The following TLCD2 variants were observed in gnomAD, a reference collection of about 807,000 sequenced individuals.
TLCD2 encodes TLC domain-containing protein 2.
Under a neutral mutation model 14.0 loss-of-function variants are expected in TLCD2, and 12 were observed. The ratio of observed to expected loss-of-function variants is 0.86; its 90% CI spans 0.55 to 1.39. TLCD2 has a LOEUF of 1.39. Among genes scored for constraint, TLCD2 ranks in the 40% most tolerant of loss-of-function variants. TLCD2 has a pLI of 0.00. For synonymous variants in TLCD2, 166 were observed against 156.5 expected, an observed-to-expected ratio of 1.06 and a Z score of -0.45; for missense variants, 360 against 346.8, an observed-to-expected ratio of 1.04 and a Z score of -0.30.
At position 1,707,828 on chromosome 17, in the gene TLCD2, G is replaced by C; in HGVS notation, c.737C>G (p.Thr246Arg). 1 of 1,533,170 alleles carries C rather than the reference G, an allele frequency of 6.5e-7. No homozygotes were observed. The highest frequency in any genetic ancestry group is 8.7e-7 in the Non-Finnish European group (1 of 1,144,628). 95.0% of individuals were successfully genotyped at this position (1,533,170 alleles called of 1,614,324 possible). ...PGHEKTRGTR[T>R]RRDNGPVTSN... is the part of the protein sequence containing the mutation. ...GGTGACAGGTCCATTGTCACGACGTGTCCTGGTCCCCCTGGTTTTCTCATG... is the reference window on the plus strand; with the variant it reads ...GGTGACAGGTCCATTGTCACGACGTCTCCTGGTCCCCCTGGTTTTCTCATG... The change falls in exon 4 of 4, where the codon ACA (threonine) becomes AGA (arginine). Residue 246 changes from threonine to arginine, a missense_variant. Transcript: ENST00000330676.
rs1413727782 is a variant in TLCD2 at position 1,708,163 on chromosome 17, C to G, written c.402G>C (p.Val134=). The G allele has an allele frequency of 2.0e-6, 3 of 1,536,486 alleles. No individual in the cohort carries two copies. The highest frequency in any genetic ancestry group is 2.6e-6 in the Non-Finnish European group (3 of 1,146,874). Residue 134 remains valine (V), a synonymous_variant, in exon 4 of 4, where the codon GTG becomes GTC. Coordinates refer to ENST00000330676, the MANE Select transcript of TLCD2 (RefSeq NM_001164407.2). ...LSGHYVGFSM[V]SLLLELNSAC... ...CAGAGTTCAGTTCCAGGAGCAGAGA[C>G]ACCATGGAGAAGCCCACGTAGTGGC...
chr17:1,708,063 C>A lies in TLCD2; in HGVS notation c.502G>T (p.Ala168Ser), dbSNP rs1434771328. Reference sequence around the variant, plus strand: ...AAGAGGGCCAAGGTGGCCAAGGAGGCCCAGCTGGTCACGCTGAAGGCCAGG... The same window carrying A: ...AAGAGGGCCAAGGTGGCCAAGGAGGACCAGCTGGTCACGCTGAAGGCCAGG... ...PSLAFSVTSW[A>S]SLATLALFRL... The change falls in exon 4 of 4, where the codon GCC becomes TCC. Residue 168 changes from alanine (A) to serine (S), a missense_variant. By Grantham distance (99) the Ala-to-Ser change is moderately conservative. Transcript: ENST00000330676. 1 of 1,537,106 alleles carries A rather than the reference C, an allele frequency of 6.5e-7. No individual in the cohort carries two copies. The highest frequency in any genetic ancestry group is 1.4e-5 in the African/African-American group (1 of 73,062).
At chr17:1,708,250 A>AC in intron 3 of TLCD2, 28 bp from the exon 4 acceptor site, 1 of 1,469,476 alleles carries the variant, frequency 6.8e-7, no homozygotes, top group South Asian at 1.3e-5. Context: ...AGGTCAGAGG[A>AC]ACCCCATGAC....
Position 1,707,716 on chromosome 17 carries a change from C to T in TLCD2, c.*54G>A, listed in dbSNP as rs1914076943. 7.2e-7 allele frequency: 1 copy of T among 1,396,206 alleles called. No homozygotes were observed. The highest frequency in any genetic ancestry group is 9.5e-7 in the Non-Finnish European group (1 of 1,056,270). The allele number at this position is 1,396,206 out of a possible 1,614,324, so 86.5% of individuals were successfully genotyped here. A position where few individuals can be genotyped will look rare whatever the true frequency, so the allele number is the denominator to read the frequency against. On this transcript the variant is annotated 3_prime_UTR_variant, in exon 4 of 4. Coordinates refer to ENST00000330676, the MANE Select transcript of TLCD2 (RefSeq NM_001164407.2). Reference sequence around the variant, plus strand: ...GATGGGGGACTGTGCATGGAAGACCCTCATCTCCTTGTCCTGGCCCCACCT... The same window carrying T: ...GATGGGGGACTGTGCATGGAAGACCTTCATCTCCTTGTCCTGGCCCCACCT...
At chr17:1,709,200 C>T (rs1327208492) in intron 3 of TLCD2, among the ~76,000 whole-genome samples, 1 of 151,992 alleles carries the variant, frequency 6.6e-6, no homozygotes, top group African/African-American at 2.4e-5. Flanking sequence ...ACCAGCCTGG[C>T]CAACATGGAG....
At position 1,710,220 on chromosome 17, in the gene TLCD2, A is replaced by C. The variant is rs1277844777; in HGVS notation, c.23T>G (p.Val8Gly). 2 of 1,525,620 alleles carry C rather than the reference A, an allele frequency of 1.3e-6. No individual in the cohort carries two copies. The highest frequency in any genetic ancestry group is 4.0e-5 in the Admixed American group (2 of 50,598). 94.5% of individuals were successfully genotyped at this position (1,525,620 alleles called of 1,614,324 possible). MAPTGLL[V>G]AGASFLAFRG... ...GAACGCGAGGAAGGAGGCGCCGGCC[A>C]CCAGGAGCCCCGTGGGCGCCATGGC... Residue 8 changes from valine to glycine, a missense_variant, in exon 1 of 4, where the codon GTG (valine) becomes GGG (glycine). Transcript: ENST00000330676. The surrounding 1 kb of genome is among the most constrained non-coding windows in gnomAD (Gnocchi z 6.1).
In TLCD2 at chr17:1,705,114, C is replaced by T. The variant is rs1913991127; in HGVS notation, c.*2656G>A. ...GTTGACACCCCTGATTCTGACTTGT[C>T]CTTATCTTCCTACCAGTCTCTGCCG... is the stretch of plus-strand genomic sequence containing the variant. On this transcript the variant is annotated 3_prime_UTR_variant, in exon 4 of 4. Transcript: ENST00000330676. The T allele has an allele frequency of 6.6e-6, 1 of 152,170 alleles. No homozygotes were observed. Among genetic ancestry groups the T allele is most frequent in the Non-Finnish European group, 1.5e-5 (1 of 68,088 alleles). 9.4% of individuals were successfully genotyped at this position (152,170 alleles called of 1,614,324 possible).
rs1408094236 is a variant in TLCD2, at chr17:1,708,176, C to T, written c.389G>A (p.Gly130Asp). The T allele has an allele frequency of 6.5e-7, 1 of 1,536,234 alleles. No homozygotes were observed. The highest frequency in any genetic ancestry group is 8.7e-7 in the Non-Finnish European group (1 of 1,146,704). Residue 130 changes from glycine (G) to aspartate (D), a missense_variant, in exon 4 of 4, where the codon GGC (glycine) becomes GAC (aspartate). Gly to Asp is a moderately conservative substitution (Grantham distance 94). Transcript: ENST00000330676. The stretch of plus-strand genomic sequence containing the variant: ...CAGGAGCAGAGACACCATGGAGAAG[C>T]CCACGTAGTGGCCAGACAGAACAGC... ...STAVLSGHYV[G>D]FSMVSLLLEL... is the part of the protein sequence containing the mutation.
chr17:1,709,483 G>C lies in TLCD2; in HGVS notation c.342+16C>G, dbSNP rs11078594. 294,711 of 1,531,132 alleles carry C rather than the reference G, an allele frequency of 0.19. 31,597 individuals carry two copies. Among genetic ancestry groups the C allele is most frequent in the East Asian group, 0.53 (21,567 of 40,800 alleles). The allele number at this position is 1,531,132 out of a possible 1,614,324, so 94.8% of individuals were successfully genotyped here. On this transcript the variant is annotated intron_variant, in intron 3 of 3. Transcript: ENST00000330676. Reference sequence around the variant, plus strand: ...CCTCCTCCCTTCCTGTCTGGCTTCTGCCCTCAGAGTCTCACCACCAAATGA... The same window carrying C: ...CCTCCTCCCTTCCTGTCTGGCTTCTCCCCTCAGAGTCTCACCACCAAATGA...
rs1217160962 is a variant in TLCD2 at position 1,707,932 on chromosome 17, G to A, written c.633C>T (p.Gly211=). The A allele has an allele frequency of 3.3e-6, 5 of 1,537,168 alleles. No homozygotes were observed. The highest frequency in any genetic ancestry group is 4.4e-6 in the Non-Finnish European group (5 of 1,146,938). ...TLGGIGLVTV[G]IMSIILGIRI... ...GGATCCCCAATATGATGCTCATGAT[G>A]CCCACAGTGACCAGCCCAATTCCAC... is the stretch of plus-strand genomic sequence containing the variant. Residue 211 remains glycine (G), a synonymous_variant, in exon 4 of 4, where the codon GGC becomes GGT. Transcript: ENST00000330676.
At chr17:1,708,742 C>G (rs1327831560) in intron 3 of TLCD2, among the ~76,000 whole-genome samples, 1 of 152,198 alleles carries the variant, frequency 6.6e-6, no homozygotes, top group African/African-American at 2.4e-5. Context: ...CTCGGCCTCC[C>G]AGTGTGCTGG....
At position 1,705,053 on chromosome 17, in the gene TLCD2, C is replaced by G. The variant is rs968773615; in HGVS notation, c.*2717G>C. ...CCTCCTTTTTTTTCTCTCTGTGATT[C>G]TCTTTGTCAGCTCCTTTGCCTATAT... On this transcript the variant is annotated 3_prime_UTR_variant, in exon 4 of 4. Transcript: ENST00000330676. 1 of 152,014 alleles carries G rather than the reference C, an allele frequency of 6.6e-6. No homozygotes were observed. The highest frequency in any genetic ancestry group is 2.4e-5 in the African/African-American group (1 of 41,366). 9.4% of individuals were successfully genotyped at this position (152,014 alleles called of 1,614,324 possible).
chr17:1,709,218 G>C (rs908895343), intron 3 of TLCD2, among the ~76,000 whole-genome samples: 1 of 151,928 alleles, frequency 6.6e-6, no homozygotes. Context: ...GAGAAACCCC[G>C]TCTTTACTAA....
intron 3 of TLCD2, among the ~76,000 whole-genome samples, chr17:1,708,882 G>A (rs1914127626): frequency 6.6e-6 from 1 of 152,180 alleles, no homozygotes; most frequent in South Asian, 2.1e-4. Context: ...ACACCTGTGG[G>A]GGCACCCAAA....
Position 1,704,247 on chromosome 17 carries a change from AAAAG to A in TLCD2, c.*3519_*3522del, listed in dbSNP as rs1254078907. The A allele has an allele frequency of 1.4e-5, 2 of 143,514 alleles. No homozygotes were observed. Among genetic ancestry groups the A allele is most frequent in the African/African-American group, 5.0e-5 (2 of 40,200 alleles). The allele number at this position is 143,514 out of a possible 1,614,324, so 8.9% of individuals were successfully genotyped here. ...TCAAAAAAAAAAAAAAAAAAAGAAG[AAAAG>A]AAAGAAAAAAGAAAATTTTTTTTTT... is the stretch of plus-strand genomic sequence containing the variant. On this transcript the variant is annotated 3_prime_UTR_variant, in exon 4 of 4. Transcript: ENST00000330676.
In TLCD2 at chr17:1,707,749, C is replaced by T. The variant is rs373889759; in HGVS notation, c.*21G>A. ...CTTGTCCTGGCCCCACCTCCCCCAG[C>T]GAGGGGCCCATGGCTTCTCTCTAGT... On this transcript the variant is annotated 3_prime_UTR_variant, in exon 4 of 4. Coordinates refer to ENST00000330676, the MANE Select transcript of TLCD2 (RefSeq NM_001164407.2). 238 of 1,462,744 alleles carry T rather than the reference C, an allele frequency of 1.6e-4. No homozygotes were observed. The highest frequency in any genetic ancestry group is 8.2e-4 in the African/African-American group (58 of 70,984). 90.6% of individuals were successfully genotyped at this position (1,462,744 alleles called of 1,614,324 possible). A position where few individuals can be genotyped will look rare whatever the true frequency, so the allele number is the denominator to read the frequency against.
In TLCD2 at chr17:1,707,694, G is replaced by T; in HGVS notation, c.*76C>A. 1 of 1,208,846 alleles carries T rather than the reference G, an allele frequency of 8.3e-7. No individual in the cohort carries two copies. The highest frequency in any genetic ancestry group is 1.1e-6 in the Non-Finnish European group (1 of 895,444). The allele number at this position is 1,208,846 out of a possible 1,614,324, so 74.9% of individuals were successfully genotyped here. The stretch of plus-strand genomic sequence containing the variant: ...GAGCAAGTCTGGCCCTCACCCTGAT[G>T]GGGGACTGTGCATGGAAGACCCTCA... On this transcript the variant is annotated 3_prime_UTR_variant, in exon 4 of 4. Transcript: ENST00000330676.
In TLCD2 at chr17:1,709,807, C is replaced by G; in HGVS notation, c.256G>C (p.Val86Leu). 1 of 1,528,400 alleles carries G rather than the reference C, an allele frequency of 6.5e-7. No individual in the cohort carries two copies. The highest frequency in any genetic ancestry group is 8.8e-7 in the Non-Finnish European group (1 of 1,140,222). The allele number at this position is 1,528,400 out of a possible 1,614,324, so 94.7% of individuals were successfully genotyped here. A position where few individuals can be genotyped will look rare whatever the true frequency, so the allele number is the denominator to read the frequency against. Reference protein sequence around the residue: ...RWALVLVAVSVGYFLADGADL... With the variant: ...RWALVLVAVSLGYFLADGADL... ...CCAGCCTTCCCTGCAGACTCACCCA[C>G]AGACACAGCCACCAGCACCAGAGCC... Residue 86 changes from valine (V) to leucine (L), a missense_variant, in exon 2 of 4, where the codon GTG becomes CTG. Val to Leu is a conservative substitution (Grantham distance 32). Transcript: ENST00000330676.
chr17:1,708,758 T>A (rs1038912574), intron 3 of TLCD2, among the ~76,000 whole-genome samples: 1 of 152,152 alleles, frequency 6.6e-6, no homozygotes, highest in South Asian at 2.1e-4. Context: ...GCTGGGATTA[T>A]AGGCATAAGC....
Sources: gnomAD v4.1 joint callset for allele counts (sites outside exome capture counted in the v4.1 genomes callset) on GRCh38, gnomAD v4.1.1 for gene constraint, Gnocchi (gnomAD v3.1) non-coding constraint, MANE v1.5 for transcripts, NCBI Gene and HGNC (gene_info 2026-07-23, HGNC 2026-07-21) for gene names.